Variants in SLC7A11 observed in about 807,000 individuals in gnomAD.
SLC7A11 encodes the protein solute carrier family 7 member 11, also known as cystine/glutamate transporter.
Under a neutral mutation model 54.5 loss-of-function variants are expected in SLC7A11, and 35 were observed. The ratio of observed to expected loss-of-function variants is 0.64; its 90% CI spans 0.49 to 0.85. The LOEUF (loss-of-function observed/expected upper bound fraction) is 0.85. Ranked by LOEUF, SLC7A11 falls within the 40% of genes least tolerant of loss-of-function variation. The pLI is 0.00. For synonymous variants in SLC7A11, 230 were observed against 225.2 expected (o/e 1.02, Z -0.19); for missense variants, 583 against 618.1 (o/e 0.94, Z 0.60).
chr4:138,174,959 G>A (rs1445869279), intron 11 of SLC7A11, among the ~76,000 whole-genome samples: 1 of 135,210 alleles, frequency 7.4e-6, no homozygotes, highest in Non-Finnish European at 1.6e-5. Context: ...CATTTGTGAT[G>A]TGGCACAAGG....
chr4:138,187,703 G>A (rs1178197313), intron 6 of SLC7A11, among the ~76,000 whole-genome samples: 1 of 152,044 alleles, frequency 6.6e-6, no homozygotes, highest in Non-Finnish European at 1.5e-5. Context: ...TAAAGAAGGG[G>A]GCAAACTGAT....
In SLC7A11 at chr4:138,164,798, C is replaced by T. The variant is rs560396854; in HGVS notation, c.*7158G>A. On this transcript the variant is annotated 3_prime_UTR_variant, in exon 12 of 12. Coordinates refer to ENST00000280612, the MANE Select transcript of SLC7A11 (RefSeq NM_014331.4). ...CTGGATCTCTCTGTTCTTGTGTTTT[C>T]AATCACTAGACCAAACCCACGATGC... 2 of 152,180 alleles carry T rather than the reference C, an allele frequency of 1.3e-5. No individual in the cohort carries two copies. Among genetic ancestry groups the T allele is most frequent in the East Asian group, 3.9e-4 (2 of 5,174 alleles). 9.4% of individuals were successfully genotyped at this position (152,180 alleles called of 1,614,324 possible).
chr4:138,206,316 C>A (rs1737404367), intron 6 of SLC7A11, among the ~76,000 whole-genome samples: 1 of 150,950 alleles, frequency 6.6e-6, no homozygotes, highest in Non-Finnish European at 1.5e-5. Context: ...TAAAATTAAA[C>A]CAGCCACTGT....
chr4:138,241,774 G>A lies in SLC7A11; in HGVS notation c.277+19C>T. The A allele has an allele frequency of 6.3e-7, 1 of 1,583,404 alleles. No homozygotes were observed. The highest frequency in any genetic ancestry group is 2.2e-5 in the East Asian group (1 of 44,538). ...CAGCCCCACAGCCACGCCCCCACGA[G>A]AGAAAAAGTCGCACTCACCAAATAG... On this transcript the variant is annotated intron_variant, in intron 1 of 11. Transcript: ENST00000280612.
At chr4:138,230,858 A>G (rs375431860) in intron 3 of SLC7A11, among the ~76,000 whole-genome samples, 24 of 152,306 alleles carry the variant, frequency 1.6e-4, no homozygotes, top group African/African-American at 5.8e-4. Flanking sequence ...CAAGTCAACA[A>G]ATACTTACTG....
At chr4:138,206,259 TCTCC>T (rs1737402840) in intron 6 of SLC7A11, among the ~76,000 whole-genome samples, 1 of 151,212 alleles carries the variant, frequency 6.6e-6, no homozygotes, top group South Asian at 2.1e-4. Flanking sequence ...TCTCCCTCTC[TCTCC>T]CTCCCTCCCT....
chr4:138,213,284 T>C (rs543360755), intron 6 of SLC7A11, among the ~76,000 whole-genome samples: 2 of 152,210 alleles, frequency 1.3e-5, no homozygotes, highest in East Asian at 1.9e-4. Flanking sequence ...TTGATTTGCA[T>C]AGCAGTTGAA....
chr4:138,237,947 T>G (rs1560743016), intron 1 of SLC7A11, among the ~76,000 whole-genome samples: 1 of 150,148 alleles, frequency 6.7e-6, no homozygotes, highest in Non-Finnish European at 1.5e-5. Flanking sequence ...GAGACAGGGT[T>G]TCTCAATTTT....
intron 8 of SLC7A11, 116 bp downstream of exon 8, chr4:138,183,086 G>T: frequency 1.4e-6 from 1 of 701,466 alleles, no homozygotes; most frequent in Non-Finnish European, 2.5e-6. Flanking sequence ...AATCTTGCAT[G>T]TCCCTTTAAA....
intron 6 of SLC7A11, among the ~76,000 whole-genome samples, chr4:138,203,573 T>C (rs1737338306): frequency 6.6e-6 from 1 of 152,108 alleles, no homozygotes; most frequent in Non-Finnish European, 1.5e-5. Flanking sequence ...TGGTGCTGTT[T>C]GCCATAATTT....
intron 1 of SLC7A11, among the ~76,000 whole-genome samples, chr4:138,238,235 AG>A (rs1300915498): frequency 6.6e-6 from 1 of 152,176 alleles, no homozygotes; most frequent in African/African-American, 2.4e-5. Flanking sequence ...TACCTCATAA[AG>A]GAGTTGTGTG....
In SLC7A11 at chr4:138,167,797, G is replaced by A. The variant is rs919031208; in HGVS notation, c.*4159C>T. On this transcript the variant is annotated 3_prime_UTR_variant, in exon 12 of 12. Coordinates refer to ENST00000280612, the MANE Select transcript of SLC7A11 (RefSeq NM_014331.4). ...AACATATTATGGAGGGTAAAGTGAA[G>A]CAAGAATATATTCAAGTAAAATAAA... is the stretch of plus-strand genomic sequence containing the variant. The A allele has an allele frequency of 6.6e-6, 1 of 152,116 alleles. No individual in the cohort carries two copies. Among genetic ancestry groups the A allele is most frequent in the Non-Finnish European group, 1.5e-5 (1 of 68,008 alleles). The allele number at this position is 152,116 out of a possible 1,614,324, so 9.4% of individuals were successfully genotyped here. A position where few individuals can be genotyped will look rare whatever the true frequency, so the allele number is the denominator to read the frequency against.
At chr4:138,201,244 A>T (rs1027133284) in intron 6 of SLC7A11, among the ~76,000 whole-genome samples, 13 of 152,214 alleles carry the variant, frequency 8.5e-5, no homozygotes, top group Admixed American at 7.9e-4. Context: ...TTTTTCATAT[A>T]GTATTGTACA....
chr4:138,230,253 T>G (rs1738041299), intron 3 of SLC7A11, among the ~76,000 whole-genome samples: 1 of 151,976 alleles, frequency 6.6e-6, no homozygotes. Context: ...ACACTGGGCC[T>G]GCTTGAGGGT....
At chr4:138,186,772 G>A (rs1736890777) in intron 6 of SLC7A11, among the ~76,000 whole-genome samples, 1 of 152,124 alleles carries the variant, frequency 6.6e-6, no homozygotes, top group Admixed American at 6.6e-5. Flanking sequence ...TCGTAAGAAG[G>A]GCTATTGTAA....
chr4:138,226,038 A>T (rs77967325), intron 3 of SLC7A11, among the ~76,000 whole-genome samples: 6 of 151,916 alleles, frequency 3.9e-5, no homozygotes, highest in Admixed American at 6.6e-5. Flanking sequence ...TTGAAATATT[A>T]AAAAAACTGG....
intron 6 of SLC7A11, among the ~76,000 whole-genome samples, chr4:138,207,990 A>G (rs191320267): frequency 5.3e-5 from 8 of 152,194 alleles, no homozygotes; most frequent in Non-Finnish European, 1.0e-4. Context: ...ATCTGAACTG[A>G]ATGCAAATAA....
chr4:138,197,020 T>A (rs908405660), intron 6 of SLC7A11, among the ~76,000 whole-genome samples: 2 of 152,182 alleles, frequency 1.3e-5, no homozygotes, highest in Admixed American at 1.3e-4. Context: ...AAAATTTGAT[T>A]CAAATATTTT....
chr4:138,225,881 GA>G (rs541521730), intron 3 of SLC7A11, among the ~76,000 whole-genome samples: 283 of 152,052 alleles, frequency 1.9e-3, no homozygotes, highest in African/African-American at 6.3e-3. Flanking sequence ...GAGAGGAAAG[GA>G]GAAGGATAAA....
Sources: gnomAD v4.1 joint callset for allele counts (sites outside exome capture counted in the v4.1 genomes callset) on GRCh38, gnomAD v4.1.1 for gene constraint, MANE v1.5 for transcripts, NCBI Gene and HGNC (gene_info 2026-07-23, HGNC 2026-07-21) for gene names.